TIAM2: variants seen among roughly 807,000 people sequenced by gnomAD.
The protein encoded by TIAM2 is TIAM Rac1 associated GEF 2.
A neutral mutation model predicts 152.9 loss-of-function variants in TIAM2; 80 were observed. The ratio of observed to expected loss-of-function variants is 0.52; its 90% CI spans 0.44 to 0.63. The LOEUF is 0.63. TIAM2 is among the 30% of genes least tolerant of loss of function. The pLI is 0.00. For missense variants in TIAM2, 1,965 were observed against 2,120.1 expected, an observed-to-expected ratio of 0.93 and a Z score of 1.44; for synonymous variants, 804 against 838.0, an observed-to-expected ratio of 0.96 and a Z score of 0.70.
chr6:155,025,784 C>A (rs1410270023), intron 1 of TIAM2, among the ~76,000 whole-genome samples: 1 of 150,458 alleles, frequency 6.6e-6, no homozygotes, highest in Non-Finnish European at 1.5e-5. Context: ...TTTTTTCATA[C>A]CCATACATAA....
chr6:155,249,756 T>A, intron 20 of TIAM2, 95 bp from the exon 21 acceptor site: 1 of 1,043,412 alleles, frequency 9.6e-7, no homozygotes, highest in Non-Finnish European at 1.4e-6. Context: ...TGGTCTGGAA[T>A]CCTGAGTTGA....
chr6:155,211,949 A>G (rs1781733061), intron 15 of TIAM2, among the ~76,000 whole-genome samples: 1 of 152,080 alleles, frequency 6.6e-6, no homozygotes, highest in African/African-American at 2.4e-5. Context: ...GGTGCCCCAT[A>G]TATTGGTGGA....
At chr6:155,229,024 G>A (rs944768165) in intron 15 of TIAM2, among the ~76,000 whole-genome samples, 2 of 152,204 alleles carry the variant, frequency 1.3e-5, no homozygotes, top group African/African-American at 4.8e-5. Flanking sequence ...AAGTATGTCC[G>A]CATTTCCTCC....
chr6:155,234,007 G>T (rs1192932531), intron 15 of TIAM2, among the ~76,000 whole-genome samples: 11 of 149,604 alleles, frequency 7.4e-5, no homozygotes, highest in African/African-American at 2.3e-4. Flanking sequence ...TTTTTTTGGG[G>T]GGGGGTTGGG....
chr6:155,019,543 G>C (rs908631270), intron 1 of TIAM2, among the ~76,000 whole-genome samples: 2 of 152,196 alleles, frequency 1.3e-5, no homozygotes, highest in Admixed American at 6.5e-5. Flanking sequence ...CAAATAGTGG[G>C]GGTGGGCTGC....
intron 7 of TIAM2, among the ~76,000 whole-genome samples, chr6:155,150,031 AT>A (rs1278910390): frequency 6.6e-6 from 1 of 152,084 alleles, no homozygotes; most frequent in Non-Finnish European, 1.5e-5. Context: ...TAATGTATCA[AT>A]TGGCAATAGC....
chr6:155,016,715 A>G (rs1194503257), intron 1 of TIAM2, among the ~76,000 whole-genome samples: 2 of 151,440 alleles, frequency 1.3e-5, no homozygotes, highest in East Asian at 3.9e-4. Context: ...CCTGGCCAAC[A>G]TGGTGAAACC....
intron 21 of TIAM2, among the ~76,000 whole-genome samples, chr6:155,250,234 G>C (rs986625704): frequency 1.3e-5 from 2 of 151,864 alleles, no homozygotes; most frequent in African/African-American, 4.8e-5. Context: ...GGGTGGGGTG[G>C]AGAAAGGACA....
intron 1 of TIAM2, among the ~76,000 whole-genome samples, chr6:155,029,155 A>G (rs1371126219): frequency 8.6e-6 from 1 of 116,236 alleles, no homozygotes; most frequent in Non-Finnish European, 1.8e-5. Flanking sequence ...TATATGTACT[A>G]TGTGTTATAT....
At chr6:155,256,023 G>C (rs994425806) in intron 26 of TIAM2, 2 of 198,110 alleles carry the variant, frequency 1.0e-5, no homozygotes, top group Non-Finnish European at 2.0e-5. Context: ...AAAAAAAGGG[G>C]GGGGGAGGGG....
At chr6:155,248,986 A>G (rs1324620539) in intron 20 of TIAM2, among the ~76,000 whole-genome samples, 1 of 152,232 alleles carries the variant, frequency 6.6e-6, no homozygotes, top group Non-Finnish European at 1.5e-5. Flanking sequence ...ACAAGAGGAA[A>G]GCATTTTTGT....
intron 1 of TIAM2, among the ~76,000 whole-genome samples, chr6:155,025,835 C>G (rs1221538296): frequency 1.0e-5 from 1 of 98,042 alleles, no homozygotes; most frequent in Non-Finnish European, 2.1e-5. Context: ...CACACACACA[C>G]ACACACACAC....
chr6:155,249,598 G>A (rs1352696035), intron 20 of TIAM2, among the ~76,000 whole-genome samples: 4 of 152,168 alleles, frequency 2.6e-5, no homozygotes, highest in African/African-American at 9.7e-5. Context: ...GTCAGTTGTT[G>A]TTATTAGTGA....
chr6:155,256,010 TA>T (rs1554248978), intron 26 of TIAM2: 35 of 146,756 alleles, frequency 2.4e-4, no homozygotes, highest in South Asian at 7.8e-4. Flanking sequence ...ACACTGTCTT[TA>T]AAAAAAAAGG....
At chr6:155,180,948 C>CT (rs1052465113) in intron 12 of TIAM2, among the ~76,000 whole-genome samples, 12 of 152,110 alleles carry the variant, frequency 7.9e-5, no homozygotes, top group African/African-American at 2.7e-4. Flanking sequence ...CCCTCTTAGC[C>CT]TTTTTTCTCC....
chr6:155,032,087 GGA>G (rs1776833756), intron 1 of TIAM2, among the ~76,000 whole-genome samples: 1 of 114,562 alleles, frequency 8.7e-6, no homozygotes, highest in Non-Finnish European at 1.9e-5. Context: ...GATCTGTGAG[GGA>G]AAAAAGGTGG....
chr6:155,081,754 A>G lies in TIAM2; in HGVS notation c.-208-8535A>G, dbSNP rs150187510. The stretch of plus-strand genomic sequence containing the variant: ...AATTTGTTTGGTGCTTGCCCTTTCA[A>G]GTGATGTGTGAATGTTTCTTTCTTG... On this transcript the variant is annotated intron_variant, in intron 1 of 26. Transcript: ENST00000682666. Among the ~76,000 whole-genome samples, 557 of 152,310 alleles carry G rather than the reference A, an allele frequency of 3.7e-3. 1 individual carries two copies. The highest frequency in any genetic ancestry group is 6.2e-3 in the Non-Finnish European group (425 of 68,034).
Position 155,079,315 on chromosome 6 carries a change from G to C in TIAM2, c.-208-10974G>C, listed in dbSNP as rs574259705. Among the ~76,000 whole-genome samples, 5 of 152,294 alleles carry C rather than the reference G, an allele frequency of 3.3e-5. No homozygotes were observed. In the East Asian group the frequency reaches 9.6e-4, roughly 29 times the overall value. On this transcript the variant is annotated intron_variant, in intron 1 of 26. Coordinates refer to ENST00000682666, the MANE Select transcript of TIAM2 (RefSeq NM_012454.4). ...GACCTCAGGTAATCTTCCGGCCTTG[G>C]CCTCCCAAAGTGCCGGGATTACAGA...
chr6:155,168,692 A>C (rs1780501911), intron 9 of TIAM2, among the ~76,000 whole-genome samples: 1 of 152,214 alleles, frequency 6.6e-6, no homozygotes, highest in Non-Finnish European at 1.5e-5. Flanking sequence ...GGGAAATAAA[A>C]ACTTTAAGTG....
Sources: allele counts gnomAD v4.1 joint callset (sites outside exome capture counted in the v4.1 genomes callset), GRCh38; gene constraint gnomAD v4.1.1; transcripts MANE v1.5; gene names NCBI Gene and HGNC (gene_info 2026-07-23, HGNC 2026-07-21).